The following SMG6 variants were observed in gnomAD, a reference collection of about 807,000 sequenced individuals.
The protein encoded by SMG6 is telomerase-binding protein EST1A.
SMG6 carries 66 observed loss-of-function variants against 142.2 expected under a neutral mutation model. The ratio of observed to expected loss-of-function variants is 0.46; its 90% confidence interval spans 0.38 to 0.57. The LOEUF is 0.57. SMG6 is among the 20% of genes least tolerant of loss of function. SMG6 has a pLI of 0.00. For synonymous variants in SMG6, 779 were observed against 702.4 expected, an observed-to-expected ratio of 1.11 and a Z score of -1.72; for missense variants, 1,793 against 1,832.0, an observed-to-expected ratio of 0.98 and a Z score of 0.39.
intron 13 of SMG6, among the ~76,000 whole-genome samples, chr17:2,110,081 CAAAA>C (rs57135671): frequency 3.4e-5 from 3 of 87,916 alleles, no homozygotes; most frequent in Non-Finnish European, 6.0e-5. Context: ...GATTCCATCT[CAAAA>C]AAAAAAAAAA....
chr17:2,250,237 T>C (rs1230243881), intron 8 of SMG6, among the ~76,000 whole-genome samples: 3 of 151,822 alleles, frequency 2.0e-5, no homozygotes, highest in African/African-American at 7.3e-5. Flanking sequence ...TTCTACAGAG[T>C]CGTGTGAAAA....
At chr17:2,247,673 C>T (rs918890774) in intron 8 of SMG6, among the ~76,000 whole-genome samples, 2 of 151,852 alleles carry the variant, frequency 1.3e-5, no homozygotes, top group African/African-American at 4.8e-5. Context: ...ATCCCAGCTA[C>T]TAGAGAGGCT....
At chr17:2,100,179 A>C (rs2068967107) in intron 13 of SMG6, among the ~76,000 whole-genome samples, 1 of 152,066 alleles carries the variant, frequency 6.6e-6, no homozygotes, top group Admixed American at 6.6e-5. Context: ...CAGGGATTAC[A>C]GGCAAGTGCC....
intron 15 of SMG6, among the ~76,000 whole-genome samples, chr17:2,078,167 A>T (rs1254875781): frequency 6.6e-6 from 1 of 152,126 alleles, no homozygotes; most frequent in African/African-American, 2.4e-5. Context: ...GGCAAATGGC[A>T]CCTTCTGGGG....
chr17:2,256,151 C>A (rs1016936538), intron 8 of SMG6: 1 of 153,560 alleles, frequency 6.5e-6, no homozygotes, highest in African/African-American at 2.4e-5. Flanking sequence ...CCAAATCCCC[C>A]TCTGCGAGAA....
intron 10 of SMG6, among the ~76,000 whole-genome samples, chr17:2,216,264 A>C (rs2073016640): frequency 6.6e-6 from 1 of 152,134 alleles, no homozygotes; most frequent in Non-Finnish European, 1.5e-5. Context: ...AATGGGGTCA[A>C]GAGCATTAGT....
At chr17:2,288,893 C>A (rs1422553842) in intron 6 of SMG6, among the ~76,000 whole-genome samples, 1 of 151,766 alleles carries the variant, frequency 6.6e-6, no homozygotes, top group Non-Finnish European at 1.5e-5. Context: ...TCCTGGCTAA[C>A]ACAGTGAAAC....
Position 2,085,908 on chromosome 17 carries a change from G to A in SMG6, c.3358-7C>T. 1 of 1,612,944 alleles carries A rather than the reference G, an allele frequency of 6.2e-7. No homozygotes were observed. Among genetic ancestry groups the A allele is most frequent in the Admixed American group, 1.7e-5 (1 of 59,638 alleles). ...TGCAGTCAGCTGCAATAACCTACAG[G>A]GTGAGAGGGAGAGAAGAAAAACAGC... is the stretch of plus-strand genomic sequence containing the variant. On this transcript the variant is annotated splice_region_variant and splice_polypyrimidine_tract_variant and intron_variant, in intron 13 of 18. Coordinates refer to ENST00000263073, the MANE Select transcript of SMG6 (RefSeq NM_017575.5). The surrounding 1 kb of genome is among the most constrained non-coding windows in gnomAD (Gnocchi z 4.1).
chr17:2,114,127 G>A (rs1386398020), intron 13 of SMG6, among the ~76,000 whole-genome samples: 1 of 151,958 alleles, frequency 6.6e-6, no homozygotes, highest in Non-Finnish European at 1.5e-5. Context: ...AAAATTAGCT[G>A]GGCACGGTGG....
At chr17:2,093,690 A>T (rs1002879032) in intron 13 of SMG6, among the ~76,000 whole-genome samples, 46 of 152,176 alleles carry the variant, frequency 3.0e-4, no homozygotes, top group African/African-American at 8.2e-4. Context: ...TGCAAAAAAA[A>T]TTTTTTTTAA....
chr17:2,071,253 G>A lies in SMG6; in HGVS notation c.3682-2322C>T, dbSNP rs2068092036. On this transcript the variant is annotated intron_variant, in intron 15 of 18. Transcript: ENST00000263073. The surrounding 1 kb of genome is among the most constrained non-coding windows in gnomAD (Gnocchi z 5.6). ...AGCCTGGTCTGACTCTATCAAGGAA[G>A]TGGCTGCCATTTTTTTTTTTACCCT... 6.6e-6 allele frequency among the ~76,000 whole-genome samples: 1 copy of A among 152,120 alleles called. No homozygotes were observed. The highest frequency in any genetic ancestry group is 2.1e-4 in the South Asian group (1 of 4,828).
At chr17:2,255,736 TAG>T in intron 8 of SMG6, 1 of 194,518 alleles carries the variant, frequency 5.1e-6, no homozygotes, top group Non-Finnish European at 1.0e-5. Context: ...TTTTGTGGAA[TAG>T]AAAGGGGGGA....
At chr17:2,064,975 A>C (rs1341542645) in intron 18 of SMG6, 98 bp downstream of exon 18, 1 of 952,094 alleles carries the variant, frequency 1.1e-6, no homozygotes, top group East Asian at 2.4e-5. Flanking sequence ...TAGACTTCCC[A>C]GGCCAGAGTC....
intron 8 of SMG6, among the ~76,000 whole-genome samples, chr17:2,265,128 C>CA (rs1272569315): frequency 3.3e-5 from 5 of 152,116 alleles, no homozygotes; most frequent in Admixed American, 6.5e-5. Context: ...TATGACCACC[C>CA]ATCCCAGGAA....
chr17:2,303,554 G>T, intron 1 of SMG6, 79 bp downstream of exon 1: 1 of 1,346,708 alleles, frequency 7.4e-7, no homozygotes, highest in South Asian at 1.8e-5. Flanking sequence ...GCCGAGGGCC[G>T]AGCGGGGAGG....
Position 2,118,897 on chromosome 17 carries a change from C to CT in SMG6, c.3358-32997dup, listed in dbSNP as rs57747544. ...GGCCACTGTGCCTGGCTCAATGTAG[C>CT]TTTTTTTTTTTTTTTTTGACATAGA... On this transcript the variant is annotated intron_variant, in intron 13 of 18. Coordinates refer to ENST00000263073, the MANE Select transcript of SMG6 (RefSeq NM_017575.5). 1.2e-3 allele frequency among the ~76,000 whole-genome samples: 149 copies of CT among 129,172 alleles called. 1 individual carries two copies. The highest frequency in any genetic ancestry group is 0.011 in the East Asian group (48 of 4,488). The allele number at this position is 129,172 out of a possible 152,430, so 84.7% of individuals were successfully genotyped here.
intron 13 of SMG6, among the ~76,000 whole-genome samples, chr17:2,113,592 G>C (rs1008308013): frequency 6.6e-6 from 1 of 152,182 alleles, no homozygotes; most frequent in African/African-American, 2.4e-5. Flanking sequence ...GCTGCCAAGT[G>C]AGCTATATGG....
chr17:2,080,714 C>A (rs1266975909), intron 15 of SMG6, among the ~76,000 whole-genome samples: 1 of 151,894 alleles, frequency 6.6e-6, no homozygotes, highest in African/African-American at 2.4e-5. Context: ...TGGCTCACTG[C>A]AACCTCCGCC....
intron 12 of SMG6, among the ~76,000 whole-genome samples, chr17:2,175,151 G>A (rs2071619175): frequency 6.6e-6 from 1 of 152,198 alleles, no homozygotes; most frequent in Non-Finnish European, 1.5e-5. Flanking sequence ...GCCTGAGTCT[G>A]ATCCCACAGC....
Sources: gnomAD v4.1 joint callset for allele counts (sites outside exome capture counted in the v4.1 genomes callset) on GRCh38, gnomAD v4.1.1 for gene constraint, Gnocchi (gnomAD v3.1) non-coding constraint, MANE v1.5 for transcripts, NCBI Gene and HGNC (gene_info 2026-07-23, HGNC 2026-07-21) for gene names.